EPB41L3: variants seen among roughly 807,000 people sequenced by gnomAD.
EPB41L3 encodes the protein erythrocyte membrane protein band 4.1 like 3, also known as band 4.1-like protein 3.
A neutral mutation model predicts 127.1 loss-of-function variants in EPB41L3; 57 were observed. The observed-to-expected ratio is 0.45, with a 90% CI of 0.36 to 0.56. The LOEUF (loss-of-function observed/expected upper bound fraction) is 0.56. EPB41L3 is among the 20% of genes least tolerant of loss of function. The pLI, the probability that EPB41L3 is intolerant of heterozygous loss-of-function variation, is 0.00. For synonymous variants in EPB41L3, 572 were observed against 549.5 expected (o/e 1.04, Z -0.57); for missense variants, 1,273 against 1,372.2 (o/e 0.93, Z 1.14).
chr18:5,536,895 T>C (rs1208640105), intron 1 of EPB41L3, among the ~76,000 whole-genome samples: 1 of 152,080 alleles, frequency 6.6e-6, no homozygotes, highest in Non-Finnish European at 1.5e-5. Flanking sequence ...AAGACAGAAG[T>C]CTATTCATGT....
At chr18:5,488,572 T>C (rs2090163941) in intron 2 of EPB41L3, among the ~76,000 whole-genome samples, 2 of 149,812 alleles carry the variant, frequency 1.3e-5, no homozygotes, top group Admixed American at 1.3e-4. Context: ...ATAATAATGA[T>C]GATGATGATG....
chr18:5,585,342 C>T (rs537206040), intron 3 of EPB41L3, among the ~76,000 whole-genome samples: 44 of 152,154 alleles, frequency 2.9e-4, no homozygotes, highest in Middle Eastern at 3.4e-3. Context: ...GTTTTTGAGT[C>T]GCCCAGGCTG....
intron 1 of EPB41L3, among the ~76,000 whole-genome samples, chr18:5,493,924 A>T (rs2090882987): frequency 6.6e-6 from 1 of 151,872 alleles, no homozygotes; most frequent in South Asian, 2.1e-4. Context: ...ACTCTTCCTC[A>T]TTTCCACTTG....
chr18:5,608,888 C>G (rs532131132), intron 3 of EPB41L3, among the ~76,000 whole-genome samples: 1 of 152,092 alleles, frequency 6.6e-6, no homozygotes, highest in East Asian at 1.9e-4. Context: ...CAACAGCTCA[C>G]GGCTCAACAG....
At chr18:5,427,168 C>T (rs1448119538) in intron 9 of EPB41L3, among the ~76,000 whole-genome samples, 7 of 151,762 alleles carry the variant, frequency 4.6e-5, no homozygotes, top group Non-Finnish European at 7.4e-5. Flanking sequence ...CATGCCCAGC[C>T]GATATTCTGA....
intron 3 of EPB41L3, among the ~76,000 whole-genome samples, chr18:5,583,894 T>G (rs770682129): frequency 6.6e-6 from 1 of 152,200 alleles, no homozygotes; most frequent in Non-Finnish European, 1.5e-5. Flanking sequence ...CCGCAACCTC[T>G]GCCTCCCGGG....
Position 5,543,818 on chromosome 18 carries a change from C to T in EPB41L3, c.-12+95G>A, listed in dbSNP as rs1470782663. The stretch of plus-strand genomic sequence containing the variant: ...GAAGCCACGCGTCAGCCCCACTGTC[C>T]CGCGCGCCTCGCCCCAGGCCTCGGG... On this transcript the variant is annotated intron_variant, in intron 1 of 22. Coordinates refer to ENST00000341928, the MANE Select transcript of EPB41L3 (RefSeq NM_012307.5). The surrounding 1 kb of genome is among the most constrained non-coding windows in gnomAD (Gnocchi z 5.2). 1.1e-6 allele frequency: 1 copy of T among 938,762 alleles called. No homozygotes were observed. The highest frequency in any genetic ancestry group is 1.3e-6 in the Non-Finnish European group (1 of 787,910). The allele number at this position is 938,762 out of a possible 1,614,324, so 58.2% of individuals were successfully genotyped here.
chr18:5,498,012 T>C (rs1308730310), intron 1 of EPB41L3, among the ~76,000 whole-genome samples: 1 of 152,198 alleles, frequency 6.6e-6, no homozygotes, highest in Non-Finnish European at 1.5e-5. Context: ...TTCTATGTGG[T>C]CTGTACAAGA....
chr18:5,408,909 G>A (rs1253288435), intron 14 of EPB41L3, among the ~76,000 whole-genome samples: 1 of 152,146 alleles, frequency 6.6e-6, no homozygotes, highest in Non-Finnish European at 1.5e-5. Context: ...TCAGGACTGG[G>A]GCTTTATGCC....
chr18:5,529,502 G>A (rs1038572124), intron 1 of EPB41L3, among the ~76,000 whole-genome samples: 1 of 152,104 alleles, frequency 6.6e-6, no homozygotes, highest in Admixed American at 6.5e-5. Flanking sequence ...AAGCAGAGGT[G>A]AAAGAATCAG....
chr18:5,563,146 A>G (rs2094155070), intron 3 of EPB41L3, among the ~76,000 whole-genome samples: 1 of 152,228 alleles, frequency 6.6e-6, no homozygotes, highest in Non-Finnish European at 1.5e-5. Flanking sequence ...TAGAAAAGCC[A>G]CAGGATCCTT....
chr18:5,427,177 G>A (rs1237283467), intron 9 of EPB41L3, among the ~76,000 whole-genome samples: 1 of 151,886 alleles, frequency 6.6e-6, no homozygotes, highest in African/African-American at 2.4e-5. Context: ...CCGATATTCT[G>A]ATTTTTTAAA....
intron 2 of EPB41L3, among the ~76,000 whole-genome samples, chr18:5,480,634 T>A (rs2088265995): frequency 1.3e-5 from 2 of 152,228 alleles, no homozygotes; most frequent in African/African-American, 4.8e-5. Flanking sequence ...TCAGAAATTA[T>A]CTTTTCTGAA....
At chr18:5,501,829 T>A (rs542920085) in intron 1 of EPB41L3, among the ~76,000 whole-genome samples, 237 of 152,304 alleles carry the variant, frequency 1.6e-3, no homozygotes, top group Non-Finnish European at 2.5e-3. Context: ...CTATAAAGAA[T>A]GTTCTTTCAA....
At chr18:5,575,058 T>C (rs2094323939) in intron 3 of EPB41L3, among the ~76,000 whole-genome samples, 1 of 152,172 alleles carries the variant, frequency 6.6e-6, no homozygotes, top group African/African-American at 2.4e-5. Flanking sequence ...ATGTGCCCAC[T>C]ACTAACTAGG....
intron 1 of EPB41L3, among the ~76,000 whole-genome samples, chr18:5,506,179 C>T (rs1030375460): frequency 2.0e-5 from 3 of 152,116 alleles, no homozygotes; most frequent in African/African-American, 4.8e-5. Context: ...TACCTCTGCA[C>T]TCTCTGTACT....
rs566575619 is a variant in EPB41L3, at chr18:5,568,562, C to G, written c.-306+43778G>C. ...TATAGCCACATTGCTAGGGGCCCCA[C>G]AGAGTACACGCAAGACCTAATTAAA... On this transcript the variant is annotated intron_variant, in intron 3 of 21. Transcript: ENST00000545076. Among the ~76,000 whole-genome samples, 3 of 152,130 alleles carry G rather than the reference C, an allele frequency of 2.0e-5. No individual in the cohort carries two copies. The South Asian group carries it at 6.2e-4, about 32-fold the overall frequency.
chr18:5,542,444 C>A (rs1253354010), intron 1 of EPB41L3, among the ~76,000 whole-genome samples: 1 of 152,194 alleles, frequency 6.6e-6, no homozygotes, highest in African/African-American at 2.4e-5. Context: ...CCACCTCAGG[C>A]AGCCTAAAAT....
chr18:5,484,552 G>T (rs886620175), intron 2 of EPB41L3, among the ~76,000 whole-genome samples: 1 of 151,178 alleles, frequency 6.6e-6, no homozygotes. Context: ...ACAAAACAAT[G>T]AGTTGGTTTT....
Sources: gnomAD v4.1 joint callset for allele counts (sites outside exome capture counted in the v4.1 genomes callset) on GRCh38, gnomAD v4.1.1 for gene constraint, Gnocchi (gnomAD v3.1) non-coding constraint, MANE v1.5 for transcripts, NCBI Gene and HGNC (gene_info 2026-07-23, HGNC 2026-07-21) for gene names.